TTBK2: variants seen among roughly 807,000 people sequenced by gnomAD.
TTBK2 encodes tau-tubulin kinase 2.
A neutral mutation model predicts 110.8 loss-of-function variants in TTBK2; 28 were observed. That is an observed-to-expected ratio of 0.25 (90% CI 0.19 to 0.35). TTBK2 has a LOEUF of 0.35. TTBK2 is among the 10% of genes least tolerant of loss of function. The pLI is 1.00. For missense variants in TTBK2, 1,369 were observed against 1,500.3 expected, an observed-to-expected ratio of 0.91 and a Z score of 1.45; for synonymous variants, 532 against 527.3, an observed-to-expected ratio of 1.01 and a Z score of -0.12.
rs755058998 is a variant in TTBK2 at position 42,872,766 on chromosome 15, G to A, written c.70-8C>T. ...ACCCCCAATCTTTCTCAACTGCACA[G>A]AAAATAAGAACACACACACTCTAAA... On this transcript the variant is annotated splice_polypyrimidine_tract_variant and splice_region_variant and intron_variant, in intron 2 of 14. Coordinates refer to ENST00000267890, the MANE Select transcript of TTBK2 (RefSeq NM_173500.4). 2 of 1,613,532 alleles carry A rather than the reference G, an allele frequency of 1.2e-6. No homozygotes were observed. The highest frequency in any genetic ancestry group is 2.2e-5 in the East Asian group (1 of 44,868).
rs568251994 is a variant in TTBK2 at position 42,838,260 on chromosome 15, T to G, written c.291+2100A>C. On this transcript the variant is annotated intron_variant, in intron 4 of 14. Transcript: ENST00000267890. ...ACCAAATGCCCAAAACAACGTTTGCTTAAGATGAAAAGAAATACTGAGAAT... is the reference window on the plus strand; with the variant it reads ...ACCAAATGCCCAAAACAACGTTTGCGTAAGATGAAAAGAAATACTGAGAAT... Among the ~76,000 whole-genome samples, 5 of 152,092 alleles carry G rather than the reference T, an allele frequency of 3.3e-5. No individual in the cohort carries two copies. In the South Asian group the frequency reaches 1.0e-3, roughly 32 times the overall value.
At chr15:42,876,008 G>C (rs1462531185) in intron 2 of TTBK2, among the ~76,000 whole-genome samples, 1 of 151,874 alleles carries the variant, frequency 6.6e-6, no homozygotes, top group Non-Finnish European at 1.5e-5. Context: ...TTGGGGGTTG[G>C]GGGTGAAGAG....
chr15:42,920,032 T>C (rs565119689), intron 1 of TTBK2, among the ~76,000 whole-genome samples: 1 of 152,306 alleles, frequency 6.6e-6, no homozygotes, highest in East Asian at 1.9e-4. Flanking sequence ...CATGTTCCTT[T>C]CCATGATAGT....
chr15:42,854,081 G>A (rs564842314), intron 3 of TTBK2, among the ~76,000 whole-genome samples: 6 of 151,924 alleles, frequency 3.9e-5, no homozygotes, highest in South Asian at 2.1e-4. Context: ...GTCCACCGGC[G>A]CACATGATTA....
rs1404054889 is a variant in TTBK2 at position 42,738,796 on chromosome 15, G to C, written c.*6999C>G. ...TAACTGCAGGGACACTTAACACCTA[G>C]CTTCTATTCAGTCCTGGGCTGCTTT... On this transcript the variant is annotated 3_prime_UTR_variant, in exon 15 of 15. Coordinates refer to ENST00000267890, the MANE Select transcript of TTBK2 (RefSeq NM_173500.4). 6.6e-6 allele frequency: 1 copy of C among 152,162 alleles called. No individual in the cohort carries two copies. Among genetic ancestry groups the C allele is most frequent in the African/African-American group, 2.4e-5 (1 of 41,426 alleles). 9.4% of individuals were successfully genotyped at this position (152,162 alleles called of 1,614,324 possible).
At chr15:42,896,082 T>C (rs111429525) in intron 1 of TTBK2, among the ~76,000 whole-genome samples, 2 of 152,124 alleles carry the variant, frequency 1.3e-5, no homozygotes, top group Non-Finnish European at 2.9e-5. Flanking sequence ...TCCCAACACT[T>C]TGGGAGGCCG....
chr15:42,819,773 G>GATAT (rs1277175909), intron 6 of TTBK2, among the ~76,000 whole-genome samples: 1 of 152,180 alleles, frequency 6.6e-6, no homozygotes, highest in Non-Finnish European at 1.5e-5. Flanking sequence ...ATATATGAAA[G>GATAT]TCTACTATGA....
At chr15:42,911,044 C>T (rs898985532) in intron 1 of TTBK2, among the ~76,000 whole-genome samples, 1 of 62,526 alleles carries the variant, frequency 1.6e-5, no homozygotes, top group Non-Finnish European at 3.5e-5. Flanking sequence ...AACTCCGTCT[C>T]AAAAAAAAAA....
chr15:42,875,950 C>A, intron 2 of TTBK2, among the ~76,000 whole-genome samples: 1 of 149,488 alleles, frequency 6.7e-6, no homozygotes, highest in South Asian at 2.1e-4. Flanking sequence ...TCCTGAGAAG[C>A]CACAGCCACA....
chr15:42,850,157 C>G (rs1419177927), intron 3 of TTBK2, among the ~76,000 whole-genome samples: 1 of 152,156 alleles, frequency 6.6e-6, no homozygotes, highest in African/African-American at 2.4e-5. Flanking sequence ...ACTGCAGCCA[C>G]TGTCAAGGAC....
chr15:42,798,651 G>C (rs753933088), intron 9 of TTBK2, among the ~76,000 whole-genome samples: 1 of 152,192 alleles, frequency 6.6e-6, no homozygotes, highest in Admixed American at 6.5e-5. Flanking sequence ...GATAAATCAG[G>C]AGAATACAAA....
intron 6 of TTBK2, among the ~76,000 whole-genome samples, chr15:42,819,133 A>C (rs2140954557): frequency 6.6e-6 from 1 of 150,926 alleles, no homozygotes; most frequent in East Asian, 2.0e-4. Context: ...TTTCTCAATT[A>C]ACATGTATTA....
intron 9 of TTBK2, among the ~76,000 whole-genome samples, chr15:42,802,760 G>A (rs1891279645): frequency 6.6e-6 from 1 of 152,194 alleles, no homozygotes; most frequent in African/African-American, 2.4e-5. Context: ...TGACTGGATT[G>A]AAGGATACAA....
In TTBK2 at chr15:42,892,784, C is replaced by T. The variant is rs369949785; in HGVS notation, c.-67-14100G>A. 4.7e-5 allele frequency among the ~76,000 whole-genome samples: 7 copies of T among 147,704 alleles called. No homozygotes were observed. In the East Asian group the frequency reaches 8.1e-4, roughly 17 times the overall value. On this transcript the variant is annotated intron_variant, in intron 1 of 14. Transcript: ENST00000267890. Reference sequence around the variant, plus strand: ...CAGCACTTTGGGAAGCTGAGGCAGGCGGATCACCTGAGGTCAGGAGTTCAA... The same window carrying T: ...CAGCACTTTGGGAAGCTGAGGCAGGTGGATCACCTGAGGTCAGGAGTTCAA...
At chr15:42,761,417 A>G (rs1174575078) in intron 13 of TTBK2, among the ~76,000 whole-genome samples, 1 of 152,168 alleles carries the variant, frequency 6.6e-6, no homozygotes, top group East Asian at 1.9e-4. Flanking sequence ...ATATCTACAA[A>G]CTATTCATCT....
rs929859914 is a variant in TTBK2, at chr15:42,811,784, C to A, written c.604-4G>T. ...GGTCATCATGTCTTCCCATTTCCTT[C>A]ATAAACAAAACAGAATCCAGTCACA... On this transcript the variant is annotated splice_polypyrimidine_tract_variant and splice_region_variant and intron_variant, in intron 7 of 14. Transcript: ENST00000267890. 7 of 1,612,642 alleles carry A rather than the reference C, an allele frequency of 4.3e-6. No individual in the cohort carries two copies. Among genetic ancestry groups the A allele is most frequent in the Non-Finnish European group, 5.9e-6 (7 of 1,179,190 alleles).
At chr15:42,852,978 G>C (rs913543085) in intron 3 of TTBK2, among the ~76,000 whole-genome samples, 3 of 152,276 alleles carry the variant, frequency 2.0e-5, no homozygotes, top group Non-Finnish European at 4.4e-5. Context: ...TCCCACAAAA[G>C]GTCCCTGTGG....
At chr15:42,811,348 C>T (rs1891714440) in intron 8 of TTBK2, among the ~76,000 whole-genome samples, 1 of 152,088 alleles carries the variant, frequency 6.6e-6, no homozygotes, top group African/African-American at 2.4e-5. Flanking sequence ...CATGTGTTTA[C>T]AGTTTTCTAA....
chr15:42,847,840 A>G (rs1893530622), intron 3 of TTBK2, among the ~76,000 whole-genome samples: 1 of 152,132 alleles, frequency 6.6e-6, no homozygotes, highest in Non-Finnish European at 1.5e-5. Flanking sequence ...TTTTAAAATC[A>G]TATAGTTTCT....
Sources: allele counts gnomAD v4.1 joint callset (sites outside exome capture counted in the v4.1 genomes callset), GRCh38; gene constraint gnomAD v4.1.1; transcripts MANE v1.5; gene names NCBI Gene and HGNC (gene_info 2026-07-23, HGNC 2026-07-21).